The following FMN2 variants were observed in gnomAD, a reference collection of about 807,000 sequenced individuals.
The protein encoded by FMN2 is formin 2, also known as formin-2.
A neutral mutation model predicts 142.3 loss-of-function variants in FMN2; 51 were observed. That is an observed-to-expected ratio of 0.36 (90% CI 0.29 to 0.45). The LOEUF is 0.45. Ranked by LOEUF, FMN2 falls within the 20% of genes least tolerant of loss-of-function variation. The probability of loss-of-function intolerance (pLI) is 1.00; values close to 1 mark genes in which losing one functional copy is unlikely to be tolerated. For synonymous variants in FMN2, 882 were observed against 869.8 expected (o/e 1.01, Z -0.25); for missense variants, 1,936 against 2,122.8 (o/e 0.91, Z 1.73).
chr1:240,472,327 A>T (rs1278813404), intron 16 of FMN2, 45 bp from the exon 17 acceptor site: 5 of 1,428,530 alleles, frequency 3.5e-6, no homozygotes, highest in Non-Finnish European at 4.9e-6. Context: ...GAATGAGGTG[A>T]TCTAAGTAGG....
At chr1:240,374,852 C>T (rs1308441603) in intron 14 of FMN2, among the ~76,000 whole-genome samples, 1 of 152,196 alleles carries the variant, frequency 6.6e-6, no homozygotes, top group Non-Finnish European at 1.5e-5. Context: ...AGCTTTCATT[C>T]TCTCTCCACT....
At chr1:240,472,802 G>A (rs552837571) in intron 17 of FMN2, among the ~76,000 whole-genome samples, 1 of 151,926 alleles carries the variant, frequency 6.6e-6, no homozygotes, top group Non-Finnish European at 1.5e-5. Context: ...ACAATTAGCC[G>A]GGCATGGTGG....
intron 8 of FMN2, among the ~76,000 whole-genome samples, chr1:240,323,453 C>T (rs1047487872): frequency 3.9e-5 from 6 of 152,180 alleles, no homozygotes; most frequent in Non-Finnish European, 5.9e-5. Flanking sequence ...ACCTCGGGCT[C>T]CCAAAGTGCT....
intron 6 of FMN2, among the ~76,000 whole-genome samples, chr1:240,239,347 A>G (rs1558387011): frequency 6.6e-6 from 1 of 152,212 alleles, no homozygotes; most frequent in Non-Finnish European, 1.5e-5. Context: ...TGCTAAATAT[A>G]TGATCTCTGA....
chr1:240,443,752 C>G (rs1461022821), intron 16 of FMN2, among the ~76,000 whole-genome samples: 1 of 147,500 alleles, frequency 6.8e-6, no homozygotes, highest in East Asian at 2.0e-4. Flanking sequence ...GACTCAGTCT[C>G]AAAAAAAAAA....
intron 4 of FMN2, among the ~76,000 whole-genome samples, chr1:240,204,022 C>T (rs886086971): frequency 5.9e-5 from 9 of 151,832 alleles, no homozygotes; most frequent in African/African-American, 1.9e-4. Context: ...TGTATATATG[C>T]CTGAATAACA....
chr1:240,147,231 A>C (rs1386048330), intron 2 of FMN2, among the ~76,000 whole-genome samples: 1 of 152,174 alleles, frequency 6.6e-6, no homozygotes, highest in Admixed American at 6.5e-5. Flanking sequence ...CTGATGTGAA[A>C]ACTGAGACTT....
Position 240,440,487 on chromosome 1 carries a change from T to C in FMN2, c.5060+2277T>C, listed in dbSNP as rs192914605. On this transcript the variant is annotated intron_variant, in intron 16 of 17. Coordinates refer to ENST00000319653, the MANE Select transcript of FMN2 (RefSeq NM_020066.5). ...TCTCTAAGTATCTCATAAAATCAGC[T>C]AGATCCATTTTTTTTGGTTCTTTAT... Among the ~76,000 whole-genome samples, 29 of 148,096 alleles carry C rather than the reference T, an allele frequency of 2.0e-4. No individual in the cohort carries two copies. In the East Asian group the frequency reaches 6.0e-3, roughly 31 times the overall value.
intron 3 of FMN2, among the ~76,000 whole-genome samples, chr1:240,185,315 T>C (rs1665392148): frequency 6.6e-6 from 1 of 152,202 alleles, no homozygotes; most frequent in Non-Finnish European, 1.5e-5. Context: ...AGTGAAGTTA[T>C]TCTGTACATC....
intron 15 of FMN2, among the ~76,000 whole-genome samples, chr1:240,437,251 G>T (rs9729181): frequency 0.11 from 16,144 of 150,424 alleles, 2,049 homozygotes; most frequent in African/African-American, 0.31. Context: ...CTCAATGATA[G>T]CACTGTAGTC....
intron 6 of FMN2, among the ~76,000 whole-genome samples, chr1:240,252,747 C>G (rs569591883): frequency 7.3e-5 from 11 of 151,636 alleles, no homozygotes; most frequent in Non-Finnish European, 1.5e-4. Flanking sequence ...GCAGAGAAAA[C>G]CTTTTTGAAT....
intron 2 of FMN2, among the ~76,000 whole-genome samples, chr1:240,157,159 T>C (rs1456665): frequency 0.31 from 47,074 of 152,110 alleles, 7,828 homozygotes; most frequent in African/African-American, 0.44. Flanking sequence ...AGTGCTGTGT[T>C]AATAGCTAAT....
At chr1:240,430,896 C>CT (rs1482095555) in intron 15 of FMN2, among the ~76,000 whole-genome samples, 1 of 147,826 alleles carries the variant, frequency 6.8e-6, no homozygotes, top group African/African-American at 2.6e-5. Flanking sequence ...CACCTATGTT[C>CT]TTTTTTTTAA....
chr1:240,465,445 A>G (rs894256271), intron 16 of FMN2, among the ~76,000 whole-genome samples: 1 of 151,064 alleles, frequency 6.6e-6, no homozygotes, highest in Non-Finnish European at 1.5e-5. Context: ...TAAATTTCTT[A>G]GCAGACCTGA....
chr1:240,474,091 T>A lies in FMN2; in HGVS notation c.5143-37T>A, dbSNP rs9287244. On this transcript the variant is annotated intron_variant, in intron 17 of 17. Transcript: ENST00000319653. ...ATTCTTTCCATTTTTAAAAGTTCTT[T>A]CTAACTAAAACTTTTATCTGGTGTA... The A allele has an allele frequency of 1.0e-3, 1,575 of 1,535,804 alleles. 14 individuals are homozygous for A. In the African/African-American group the frequency reaches 0.019, roughly 18 times the overall value.
chr1:240,263,142 C>T (rs1373641275), intron 7 of FMN2, among the ~76,000 whole-genome samples: 2 of 152,196 alleles, frequency 1.3e-5, no homozygotes, highest in Non-Finnish European at 2.9e-5. Flanking sequence ...AACCCTCCCC[C>T]ACACACAGAT....
intron 7 of FMN2, among the ~76,000 whole-genome samples, chr1:240,259,518 T>A (rs1162573184): frequency 6.9e-6 from 1 of 144,320 alleles, no homozygotes; most frequent in East Asian, 2.1e-4. Flanking sequence ...TATGGTGGCC[T>A]TCCAAGTCTA....
chr1:240,183,503 T>G (rs997457962), intron 3 of FMN2, among the ~76,000 whole-genome samples: 9 of 148,648 alleles, frequency 6.1e-5, no homozygotes, highest in African/African-American at 2.0e-4. Context: ...GATAATATAT[T>G]GAATATTATA....
At chr1:240,335,159 T>C (rs1671516275) in intron 13 of FMN2, among the ~76,000 whole-genome samples, 2 of 152,204 alleles carry the variant, frequency 1.3e-5, no homozygotes, top group South Asian at 2.1e-4. Context: ...ATAGTTCTTA[T>C]GTATTCAACA....
Sources: gnomAD v4.1 joint callset for allele counts (sites outside exome capture counted in the v4.1 genomes callset) on GRCh38, gnomAD v4.1.1 for gene constraint, MANE v1.5 for transcripts, NCBI Gene and HGNC (gene_info 2026-07-23, HGNC 2026-07-21) for gene names.